Variants in ERCC8 observed in about 807,000 individuals in gnomAD.
The protein encoded by ERCC8 is DNA excision repair protein ERCC-8.
Under a neutral mutation model 54.9 loss-of-function variants are expected in ERCC8, and 52 were observed. That is an observed-to-expected ratio of 0.95 (90% CI 0.76 to 1.19). The LOEUF is 1.19. Among genes scored for constraint, ERCC8 ranks in the 50% most tolerant of loss-of-function variants. The pLI is 0.00. For synonymous variants in ERCC8, 146 were observed against 157.2 expected (o/e 0.93, Z 0.53); for missense variants, 514 against 466.1 (o/e 1.10, Z -0.95).
intron 9 of ERCC8, chr5:60,893,758 G>T: frequency 2.8e-6 from 1 of 356,054 alleles, no homozygotes; most frequent in East Asian, 5.6e-5. Flanking sequence ...ACGAGGGGGC[G>T]GGGCTTCTCC....
chr5:60,938,352 T>A (rs1470329905), intron 1 of ERCC8, among the ~76,000 whole-genome samples: 4 of 37,744 alleles, frequency 1.1e-4, no homozygotes, highest in African/African-American at 1.9e-4. Context: ...CTTTTTGAAT[T>A]TTTTTTTTTT....
rs1273871838 is a variant in ERCC8, at chr5:60,874,027, G to C, written c.*588C>G. 6.6e-6 allele frequency: 1 copy of C among 152,140 alleles called. No individual in the cohort carries two copies. The highest frequency in any genetic ancestry group is 1.5e-5 in the Non-Finnish European group (1 of 68,038). The allele number at this position is 152,140 out of a possible 1,614,324, so 9.4% of individuals were successfully genotyped here. ...AAAGCAAACATGGGATTTTCACAAAGTTAAAAGCCTCCTGTGATGCACATT... is the reference window on the plus strand; with the variant it reads ...AAAGCAAACATGGGATTTTCACAAACTTAAAAGCCTCCTGTGATGCACATT... On this transcript the variant is annotated 3_prime_UTR_variant, in exon 12 of 12. Transcript: ENST00000676185.
chr5:60,921,606 T>A (rs1163749683), intron 3 of ERCC8, among the ~76,000 whole-genome samples: 1 of 151,912 alleles, frequency 6.6e-6, no homozygotes, highest in East Asian at 1.9e-4. Flanking sequence ...TATATGTGTA[T>A]GTGTGTGTTT....
chr5:60,893,378 T>C, intron 9 of ERCC8: 1 of 854,240 alleles, frequency 1.2e-6, no homozygotes, highest in Non-Finnish European at 2.0e-6. Flanking sequence ...TTCTTGCTCC[T>C]GGGCAGCTTG....
At chr5:60,901,126 CTACT>C (rs374996017) in intron 7 of ERCC8, among the ~76,000 whole-genome samples, 39 of 152,078 alleles carry the variant, frequency 2.6e-4, no homozygotes, top group African/African-American at 9.1e-4. Context: ...AATTCTTCTT[CTACT>C]TAAAGTTTTA....
At chr5:60,944,213 T>C (rs1750354258) in intron 1 of ERCC8, among the ~76,000 whole-genome samples, 2 of 152,158 alleles carry the variant, frequency 1.3e-5, no homozygotes. Flanking sequence ...TTCTCAGACG[T>C]TGTTCAAATC....
Position 60,870,929 on chromosome 5 carries a change from G to C in ERCC8, c.*3686C>G, listed in dbSNP as rs2112447867. On this transcript the variant is annotated 3_prime_UTR_variant, in exon 12 of 12. Coordinates refer to ENST00000676185, the MANE Select transcript of ERCC8 (RefSeq NM_000082.4). ...TTTTACTTTTTTCTTTTAAACCTCA[G>C]TTTACAAGCTTCCAGCTGTAACGAA... Among the ~76,000 whole-genome samples, 2 of 152,186 alleles carry C rather than the reference G, an allele frequency of 1.3e-5. No homozygotes were observed. The highest frequency in any genetic ancestry group is 2.1e-4 in the South Asian group (1 of 4,820).
rs1199495440 is a variant in ERCC8 at position 60,879,932 on chromosome 5, C to T, written c.1123-5249G>A. 5.3e-5 allele frequency among the ~76,000 whole-genome samples: 8 copies of T among 152,248 alleles called. 1 individual carries two copies. The highest frequency in any genetic ancestry group is 4.1e-4 in the South Asian group (2 of 4,820). ...GATGACATTAGCTGGTTATTTTGCT[C>T]GTTAGTTGATGCAGTTTCTTCCTAG... On this transcript the variant is annotated intron_variant, in intron 11 of 11. Coordinates refer to ENST00000676185, the MANE Select transcript of ERCC8 (RefSeq NM_000082.4).
At chr5:60,893,450 T>A in intron 9 of ERCC8, 2 of 958,008 alleles carry the variant, frequency 2.1e-6, no homozygotes, top group Non-Finnish European at 3.4e-6. Context: ...GGCATGATCA[T>A]TGGAGTGAAC....
intron 10 of ERCC8, among the ~76,000 whole-genome samples, chr5:60,888,096 C>T (rs1029632369): frequency 5.9e-5 from 9 of 152,142 alleles, no homozygotes; most frequent in African/African-American, 1.7e-4. Flanking sequence ...GAACAATGCT[C>T]ATGCCCCTCC....
At chr5:60,883,413 C>A (rs909765955) in intron 11 of ERCC8, among the ~76,000 whole-genome samples, 1 of 152,164 alleles carries the variant, frequency 6.6e-6, no homozygotes, top group Non-Finnish European at 1.5e-5. Context: ...TGCAACATCT[C>A]CTCCTAGTGG....
chr5:60,898,048 T>G (rs961703911), intron 9 of ERCC8, among the ~76,000 whole-genome samples: 1 of 152,206 alleles, frequency 6.6e-6, no homozygotes, highest in Non-Finnish European at 1.5e-5. Context: ...TTGAGAACAG[T>G]GGCTCAGTAG....
At chr5:60,896,343 A>G (rs1391891520) in intron 9 of ERCC8, among the ~76,000 whole-genome samples, 1 of 152,130 alleles carries the variant, frequency 6.6e-6, no homozygotes, top group Non-Finnish European at 1.5e-5. Context: ...CAGCCTCCCG[A>G]GTAGCTGGGA....
intron 4 of ERCC8, among the ~76,000 whole-genome samples, chr5:60,910,135 G>T (rs1445878059): frequency 6.6e-6 from 1 of 152,026 alleles, no homozygotes; most frequent in South Asian, 2.1e-4. Flanking sequence ...ACTGTGATGG[G>T]GGTCAGCTTC....
intron 4 of ERCC8, among the ~76,000 whole-genome samples, chr5:60,906,095 A>C (rs1013072427): frequency 2.0e-5 from 3 of 152,168 alleles, no homozygotes; most frequent in Non-Finnish European, 4.4e-5. Context: ...TGTTATATGC[A>C]GGAGTAATTG....
rs138212997 is a variant in ERCC8 at position 60,903,505 on chromosome 5, G to T, written c.550+143C>A. The T allele has an allele frequency of 4.4e-5, 60 of 1,368,786 alleles. 1 individual carries two copies. The African/African-American group carries it at 7.2e-4, about 16-fold the overall frequency. The allele number at this position is 1,368,786 out of a possible 1,614,324, so 84.8% of individuals were successfully genotyped here. A position where few individuals can be genotyped will look rare whatever the true frequency, so the allele number is the denominator to read the frequency against. ...GTTTTATAAGAATAATGCACAGAAG[G>T]ATCTTTATTTCCCTGCTGAGTCTCA... On this transcript the variant is annotated intron_variant, in intron 6 of 11. Coordinates refer to ENST00000676185, the MANE Select transcript of ERCC8 (RefSeq NM_000082.4).
Position 60,904,865 on chromosome 5 carries a change from A to G in ERCC8, c.408T>C (p.Asp136=). The G allele has an allele frequency of 2.6e-6, 4 of 1,513,408 alleles. No individual in the cohort carries two copies. Among genetic ancestry groups the G allele is most frequent in the Non-Finnish European group, 3.7e-6 (4 of 1,088,926 alleles). The allele number at this position is 1,513,408 out of a possible 1,614,324, so 93.7% of individuals were successfully genotyped here. A position where few individuals can be genotyped will look rare whatever the true frequency, so the allele number is the denominator to read the frequency against. Residue 136 remains aspartate (D), a synonymous_variant, in exon 5 of 12, where the codon GAT becomes GAC. Transcript: ENST00000676185. ...AAACTGTTTCCTCAAAATTAAATAC[A>G]TCTGCAGTCTGGTAATCAAAAGACA... is the stretch of plus-strand genomic sequence containing the variant. ...VWDTNTLQTA[D]VFNFEETVYS...
At chr5:60,901,273 T>C (rs3797562) in intron 7 of ERCC8, among the ~76,000 whole-genome samples, 22,409 of 151,892 alleles carry the variant, frequency 0.15, 2,129 homozygotes, top group South Asian at 0.28. Flanking sequence ...TTTTTTTCCT[T>C]TTACCCATGA....
intron 1 of ERCC8, among the ~76,000 whole-genome samples, chr5:60,941,075 T>C (rs116819180): frequency 6.6e-6 from 1 of 151,998 alleles, no homozygotes. Context: ...GTGACTCTTG[T>C]GAAGCTGAGG....
Sources: allele counts gnomAD v4.1 joint callset (sites outside exome capture counted in the v4.1 genomes callset), GRCh38; gene constraint gnomAD v4.1.1; transcripts MANE v1.5; gene names NCBI Gene and HGNC (gene_info 2026-07-23, HGNC 2026-07-21).